The following SOS1 variants were observed in gnomAD, a reference collection of about 807,000 sequenced individuals.
SOS1 encodes SOS Ras/Rac guanine nucleotide exchange factor 1.
In SOS1, 25 loss-of-function variants were observed where a neutral mutation model predicts 157.6. The ratio of observed to expected loss-of-function variants is 0.16; its 90% CI spans 0.12 to 0.22. The LOEUF is 0.22. SOS1 is among the 10% of genes least tolerant of loss of function. The pLI is 1.00. For synonymous variants in SOS1, 528 were observed against 534.0 expected (o/e 0.99, Z 0.16); for missense variants, 1,237 against 1,599.1 (o/e 0.77, Z 3.86).
rs1668466626 is a variant in SOS1 at position 38,983,699 on chromosome 2, A to G, written c.*2125T>C. 6.6e-6 allele frequency: 1 copy of G among 152,174 alleles called. No homozygotes were observed. The highest frequency in any genetic ancestry group is 2.4e-5 in the African/African-American group (1 of 41,442). 9.4% of individuals were successfully genotyped at this position (152,174 alleles called of 1,614,324 possible). A position where few individuals can be genotyped will look rare whatever the true frequency, so the allele number is the denominator to read the frequency against. On this transcript the variant is annotated 3_prime_UTR_variant, in exon 23 of 23. Coordinates refer to ENST00000402219, the MANE Select transcript of SOS1 (RefSeq NM_005633.4). ...AAGAGAAGTAATCCATGAGACATAAAAAGAGAAATCTTAGGGACAATGAGG... is the reference window on the plus strand; with the variant it reads ...AAGAGAAGTAATCCATGAGACATAAGAAGAGAAATCTTAGGGACAATGAGG...
chr2:39,065,409 A>G (rs1671558267), intron 2 of SOS1, among the ~76,000 whole-genome samples: 1 of 152,154 alleles, frequency 6.6e-6, no homozygotes, highest in Admixed American at 6.5e-5. Flanking sequence ...TACATTAGGG[A>G]CACACAAAAT....
chr2:39,073,556 AT>A (rs1379766180), intron 1 of SOS1, among the ~76,000 whole-genome samples: 10 of 152,256 alleles, frequency 6.6e-5, no homozygotes, highest in African/African-American at 2.4e-4. Context: ...CTCTTGAATT[AT>A]AAACCTTCCT....
Position 39,010,642 on chromosome 2 carries a change from A to G in SOS1, c.2452T>C (p.Ser818Pro). 6.2e-7 allele frequency: 1 copy of G among 1,607,660 alleles called. No individual in the cohort carries two copies. The highest frequency in any genetic ancestry group is 8.5e-7 in the Non-Finnish European group (1 of 1,174,198). Residue 818 changes from serine to proline, a missense_variant, in exon 15 of 23, where the codon TCT (serine) becomes CCT (proline). Ser to Pro is a moderately conservative substitution (Grantham distance 74). Around this residue, in one of 15 missense-constraint regions of SOS1, gnomAD observed 105 missense variants for 236.0 expected, o/e 0.44. Coordinates refer to ENST00000402219, the MANE Select transcript of SOS1 (RefSeq NM_005633.4). ...VWTKEDKEIN[S>P]PNLLKMIRHT... ...CGAATCATTTTCAGAAGATTAGGAG[A>G]GTTAATTTCTTTGTCTTCTTTTGTC...
rs143990185 is a variant in SOS1, at chr2:39,007,443, A to G, written c.2511-250T>C. ...TCCTACTATATTTGGTGCATCCTCT[A>G]TTAGCATCAGAATTAACTGGTGAGG... On this transcript the variant is annotated intron_variant, in intron 15 of 22. Coordinates refer to ENST00000402219, the MANE Select transcript of SOS1 (RefSeq NM_005633.4). 9.9e-4 allele frequency: 456 copies of G among 461,746 alleles called. 3 individuals carry two copies. Among genetic ancestry groups the G allele is most frequent in the African/African-American group, 7.5e-3 (383 of 51,238 alleles). 28.6% of individuals were successfully genotyped at this position (461,746 alleles called of 1,614,324 possible).
At chr2:39,028,827 C>T (rs1026087801) in intron 8 of SOS1, among the ~76,000 whole-genome samples, 3 of 152,140 alleles carry the variant, frequency 2.0e-5, no homozygotes, top group African/African-American at 7.2e-5. Flanking sequence ...CTCATCACAA[C>T]GTAACAGAAC....
intron 8 of SOS1, among the ~76,000 whole-genome samples, chr2:39,031,171 A>G (rs1372635483): frequency 6.6e-6 from 1 of 152,168 alleles, no homozygotes; most frequent in East Asian, 1.9e-4. Flanking sequence ...AGGAAACCAA[A>G]TACACTCATG....
chr2:39,024,756 C>T lies in SOS1; in HGVS notation c.1075-619G>A, dbSNP rs181813402. ...TACTTTTAGGGGTTGTTATTAAAAA[C>T]CAAAGCACTTTGTAAATGGTAACAC... On this transcript the variant is annotated intron_variant, in intron 8 of 22. Transcript: ENST00000402219. Among the ~76,000 whole-genome samples, 579 of 152,166 alleles carry T rather than the reference C, an allele frequency of 3.8e-3. 7 individuals are homozygous for T. The highest frequency in any genetic ancestry group is 0.013 in the African/African-American group (546 of 41,512).
At chr2:39,055,930 A>G (rs991851384) in intron 4 of SOS1, among the ~76,000 whole-genome samples, 2 of 152,310 alleles carry the variant, frequency 1.3e-5, no homozygotes, top group African/African-American at 2.4e-5. Context: ...GAGGAATATC[A>G]TAAGGACCAA....
chr2:39,105,187 A>G (rs1673120931), intron 1 of SOS1, among the ~76,000 whole-genome samples: 2 of 152,236 alleles, frequency 1.3e-5, no homozygotes, highest in Non-Finnish European at 2.9e-5. Flanking sequence ...TTAAAAAAGA[A>G]CAACTGAAAT....
intron 16 of SOS1, 91 bp downstream of exon 16, chr2:39,006,940 A>C: frequency 2.3e-6 from 2 of 859,280 alleles, no homozygotes; most frequent in South Asian, 2.9e-5. Flanking sequence ...GACAAATGAG[A>C]CATTTAAAAA....
At chr2:39,112,017 T>C (rs973501406) in intron 1 of SOS1, among the ~76,000 whole-genome samples, 1 of 151,844 alleles carries the variant, frequency 6.6e-6, no homozygotes, top group Non-Finnish European at 1.5e-5. Context: ...CTCCAAAATA[T>C]AACAATTGTC....
chr2:39,082,670 T>C (rs560293321), intron 1 of SOS1: 2 of 152,304 alleles, frequency 1.3e-5, no homozygotes, highest in Admixed American at 6.5e-5. Flanking sequence ...GACATGTATA[T>C]TTGTGAAGCG....
Position 38,987,575 on chromosome 2 carries a change from T to C in SOS1, c.3408A>G (p.Ser1136=), listed in dbSNP as rs764809554. ...LPHGPRSASV[S]SISLTKGTDE... The stretch of plus-strand genomic sequence containing the variant: ...CAGTGCCTTTGGTTAAACTTATAGA[T>C]GATACAGAAGCAGATCCTGTGGGAT... Residue 1136 remains serine (S), a synonymous_variant, in exon 22 of 23, where the codon TCA becomes TCG. Transcript: ENST00000402219. 4 of 1,561,216 alleles carry C rather than the reference T, an allele frequency of 2.6e-6. No homozygotes were observed. The East Asian group carries it at 9.0e-5, about 35-fold the overall frequency.
intron 5 of SOS1, among the ~76,000 whole-genome samples, chr2:39,052,682 T>C (rs972295949): frequency 2.0e-5 from 3 of 152,238 alleles, no homozygotes; most frequent in Non-Finnish European, 2.9e-5. Flanking sequence ...AGTTTGTTTA[T>C]ACATTCACCT....
intron 17 of SOS1, among the ~76,000 whole-genome samples, chr2:39,004,298 A>G (rs1669212239): frequency 6.7e-6 from 1 of 149,942 alleles, no homozygotes; most frequent in Admixed American, 6.7e-5. Context: ...GGGCGCCTGT[A>G]GTCCCAGCTA....
intron 1 of SOS1, among the ~76,000 whole-genome samples, chr2:39,089,425 G>A (rs967488934): frequency 6.6e-6 from 1 of 151,496 alleles, no homozygotes; most frequent in Non-Finnish European, 1.5e-5. Context: ...CCAGCTACTC[G>A]GGAGGCTGAA....
At chr2:39,114,011 T>G (rs1673544046) in intron 1 of SOS1, among the ~76,000 whole-genome samples, 1 of 152,238 alleles carries the variant, frequency 6.6e-6, no homozygotes, top group Non-Finnish European at 1.5e-5. Context: ...CAATGACCCC[T>G]TAGCTGCCAA....
At chr2:39,080,822 T>C (rs1672174278) in intron 1 of SOS1, among the ~76,000 whole-genome samples, 1 of 152,154 alleles carries the variant, frequency 6.6e-6, no homozygotes. Flanking sequence ...AATAATATTT[T>C]ATAAGCAACA....
intron 1 of SOS1, among the ~76,000 whole-genome samples, chr2:39,110,305 C>A (rs550554693): frequency 6.6e-6 from 1 of 152,000 alleles, no homozygotes; most frequent in Non-Finnish European, 1.5e-5. Flanking sequence ...GGAGTAATGA[C>A]CAAAAAAATC....
Sources: gnomAD v4.1 joint callset for allele counts (sites outside exome capture counted in the v4.1 genomes callset) on GRCh38, gnomAD v4.1.1 for gene constraint, gnomAD v4.1.1 regional missense constraint, MANE v1.5 for transcripts, NCBI Gene and HGNC (gene_info 2026-07-23, HGNC 2026-07-21) for gene names.